Variants in SLIT3 observed in about 807,000 individuals in gnomAD.
The protein encoded by SLIT3 is slit homolog 3 protein.
Under a neutral mutation model 184.0 loss-of-function variants are expected in SLIT3, and 68 were observed. The observed-to-expected ratio is 0.37, with a 90% CI of 0.30 to 0.45. The LOEUF (loss-of-function observed/expected upper bound fraction) is 0.45. SLIT3 is among the 20% of genes least tolerant of loss of function. The probability of loss-of-function intolerance (pLI) is 1.00; values close to 1 mark genes in which losing one functional copy is unlikely to be tolerated. For missense variants in SLIT3, 1,707 were observed against 2,026.0 expected (o/e 0.84, Z 3.02); for synonymous variants, 831 against 828.6 (o/e 1.00, Z -0.05).
At position 169,032,280 on chromosome 5, in the gene SLIT3, T is replaced by C. The variant is rs539585657; in HGVS notation, c.414-148944A>G. ...AGTAAATATGAAAGAACATTTTTTT[T>C]ATCTCTGTGTCCTGAAAATAAGTTA... On this transcript the variant is annotated intron_variant, in intron 4 of 35. Coordinates refer to ENST00000519560, the MANE Select transcript of SLIT3 (RefSeq NM_003062.4). 4.6e-5 allele frequency among the ~76,000 whole-genome samples: 7 copies of C among 152,348 alleles called. No individual in the cohort carries two copies. In the East Asian group the frequency reaches 1.3e-3, roughly 29 times the overall value.
intron 4 of SLIT3, among the ~76,000 whole-genome samples, chr5:169,123,693 T>A (rs297809): frequency 0.34 from 51,179 of 151,966 alleles, 8,725 homozygotes; most frequent in East Asian, 0.45. Flanking sequence ...AGAATTGAAA[T>A]GAGGAGGCAC....
At chr5:169,108,632 G>A (rs1760302545) in intron 4 of SLIT3, among the ~76,000 whole-genome samples, 2 of 152,110 alleles carry the variant, frequency 1.3e-5, no homozygotes, top group African/African-American at 4.8e-5. Context: ...GCTTGGTGAA[G>A]GACTCCTTTT....
intron 6 of SLIT3, among the ~76,000 whole-genome samples, chr5:168,828,446 C>A (rs1757771394): frequency 6.6e-6 from 1 of 151,802 alleles, no homozygotes; most frequent in Non-Finnish European, 1.5e-5. Context: ...GCCTGGGCAA[C>A]ATAGGGAGAA....
chr5:168,696,497 C>T, intron 27 of SLIT3, 66 bp from the exon 28 acceptor site: 3 of 1,582,666 alleles, frequency 1.9e-6, no homozygotes, highest in Non-Finnish European at 8.7e-7. Context: ...GTTGGGATGG[C>T]AGAGAGGAAG....
intron 4 of SLIT3, chr5:169,018,359 C>CAA (rs1169802214): frequency 3.3e-5 from 5 of 149,674 alleles, no homozygotes; most frequent in Admixed American, 1.3e-4. Context: ...CTGAAAAGGG[C>CAA]AGTAAAATAA....
chr5:169,289,623 G>C (rs1051940017), intron 1 of SLIT3, among the ~76,000 whole-genome samples: 2 of 152,184 alleles, frequency 1.3e-5, no homozygotes, highest in Admixed American at 1.3e-4. Context: ...TCCAGTGAAG[G>C]TCCAGGCCAT....
At chr5:168,908,151 A>G (rs1454472673) in intron 4 of SLIT3, among the ~76,000 whole-genome samples, 3 of 152,010 alleles carry the variant, frequency 2.0e-5, no homozygotes, top group African/African-American at 7.2e-5. Flanking sequence ...CTATTTTCCA[A>G]TAAATTAAAA....
intron 20 of SLIT3, among the ~76,000 whole-genome samples, chr5:168,745,443 A>C (rs1763770423): frequency 6.6e-6 from 1 of 151,244 alleles, no homozygotes; most frequent in Admixed American, 6.6e-5. Context: ...ACAGAGTCTC[A>C]CTTTATTGCC....
chr5:169,224,733 C>T (rs996925942), intron 3 of SLIT3, among the ~76,000 whole-genome samples: 1 of 152,162 alleles, frequency 6.6e-6, no homozygotes, highest in Non-Finnish European at 1.5e-5. Context: ...GTTGCCCAGG[C>T]TGGAGTGCAG....
At chr5:169,069,746 G>A (rs143250141) in intron 4 of SLIT3, among the ~76,000 whole-genome samples, 10 of 152,210 alleles carry the variant, frequency 6.6e-5, no homozygotes, top group Non-Finnish European at 1.5e-4. Flanking sequence ...GGGAGGTAGG[G>A]AGGTGGACAG....
intron 4 of SLIT3, among the ~76,000 whole-genome samples, chr5:169,072,516 C>T (rs1399553414): frequency 6.6e-6 from 1 of 152,200 alleles, no homozygotes; most frequent in African/African-American, 2.4e-5. Context: ...AGGGTTAGTA[C>T]AAATGAAGAT....
At chr5:169,006,117 T>G (rs993615027) in intron 4 of SLIT3, among the ~76,000 whole-genome samples, 1 of 151,998 alleles carries the variant, frequency 6.6e-6, no homozygotes, top group Admixed American at 6.6e-5. Flanking sequence ...AAGAAAAAAA[T>G]CATCCTACCA....
chr5:168,748,012 G>A (rs573796321), intron 20 of SLIT3, among the ~76,000 whole-genome samples: 8 of 152,108 alleles, frequency 5.3e-5, no homozygotes, highest in Non-Finnish European at 1.0e-4. Context: ...CGGAAAATGA[G>A]GCAATAACCC....
At chr5:168,901,936 C>A (rs1760885358) in intron 4 of SLIT3, among the ~76,000 whole-genome samples, 1 of 152,218 alleles carries the variant, frequency 6.6e-6, no homozygotes, top group African/African-American at 2.4e-5. Flanking sequence ...GAGTCTCACT[C>A]TGTCACCCAG....
intron 4 of SLIT3, among the ~76,000 whole-genome samples, chr5:168,904,863 C>A (rs889689988): frequency 1.3e-5 from 2 of 152,112 alleles, no homozygotes; most frequent in African/African-American, 4.8e-5. Flanking sequence ...TCACAGCCTT[C>A]TTTACAAAGA....
intron 5 of SLIT3, among the ~76,000 whole-genome samples, chr5:168,858,075 G>A (rs957424295): frequency 1.3e-5 from 2 of 152,220 alleles, no homozygotes; most frequent in Admixed American, 6.5e-5. Flanking sequence ...CAGCTTTTAA[G>A]GAGCATTCAA....
chr5:168,749,293 T>C (rs1394474089), intron 19 of SLIT3, among the ~76,000 whole-genome samples, 179 bp downstream of exon 19: 2 of 152,252 alleles, frequency 1.3e-5, no homozygotes, highest in African/African-American at 4.8e-5. Flanking sequence ...CACCTTTTCT[T>C]AATTTGCATG....
intron 3 of SLIT3, among the ~76,000 whole-genome samples, chr5:169,239,953 C>T (rs1379972043): frequency 6.6e-6 from 1 of 152,030 alleles, no homozygotes; most frequent in Non-Finnish European, 1.5e-5. Flanking sequence ...CTGCAGTCCA[C>T]ACATTGTGAG....
chr5:168,972,230 G>A (rs1342575956), intron 4 of SLIT3, among the ~76,000 whole-genome samples: 5 of 152,094 alleles, frequency 3.3e-5, no homozygotes, highest in Non-Finnish European at 7.4e-5. Context: ...GAATGGTGCA[G>A]GATGAGGTTG....
Sources: gnomAD v4.1 joint callset for allele counts (sites outside exome capture counted in the v4.1 genomes callset) on GRCh38, gnomAD v4.1.1 for gene constraint, MANE v1.5 for transcripts, NCBI Gene and HGNC (gene_info 2026-07-23, HGNC 2026-07-21) for gene names.